The following PSG11 variants were observed in gnomAD, a reference collection of about 807,000 sequenced individuals.
The protein encoded by PSG11 is pregnancy specific beta-1-glycoprotein 11.
PSG11 carries 42 observed loss-of-function variants against 36.0 expected under a neutral mutation model. That is an observed-to-expected ratio of 1.17 (90% confidence interval 0.91 to 1.51). The LOEUF (loss-of-function observed/expected upper bound fraction) is 1.51. Among genes scored for constraint, PSG11 ranks in the 40% most tolerant of loss-of-function variants. The probability of loss-of-function intolerance (pLI) is 0.00; values close to 1 mark genes in which losing one functional copy is unlikely to be tolerated. For missense variants in PSG11, 558 were observed against 403.5 expected, an observed-to-expected ratio of 1.38 and a Z score of -3.28; for synonymous variants, 206 against 153.5, an observed-to-expected ratio of 1.34 and a Z score of -2.53.
intron 3 of PSG11, among the ~76,000 whole-genome samples, chr19:43,016,874 G>T (rs1279078136): frequency 6.6e-6 from 1 of 151,540 alleles, no homozygotes; most frequent in Admixed American, 6.6e-5. Context: ...ATGCAGAACT[G>T]ACTGGTGGAA....
At chr19:43,013,713 C>T (rs1966887611) in intron 4 of PSG11, among the ~76,000 whole-genome samples, 1 of 151,346 alleles carries the variant, frequency 6.6e-6, no homozygotes, top group Admixed American at 6.6e-5. Context: ...AATTGGTGTG[C>T]TGTTTCTCAA....
intron 2 of PSG11, among the ~76,000 whole-genome samples, chr19:43,023,583 C>T (rs923494177): frequency 6.6e-6 from 1 of 151,174 alleles, no homozygotes; most frequent in African/African-American, 2.4e-5. Context: ...GCTCTCACTC[C>T]TCTGAGGTTT....
chr19:43,016,919 A>C (rs1180431991), intron 3 of PSG11, among the ~76,000 whole-genome samples: 1 of 151,550 alleles, frequency 6.6e-6, no homozygotes, highest in East Asian at 1.9e-4. Flanking sequence ...TCTGGTCCTC[A>C]TGGACCATAT....
rs753944830 is a variant in PSG11, at chr19:43,016,050, G to T, written c.710-680C>A. ...TGTAGGGCATGGGCAGCTTTGCTGT[G>T]TGGATAACAGAGAGAAGATTGTCCT... On this transcript the variant is annotated intron_variant, in intron 3 of 5. Transcript: ENST00000320078. 5.6e-6 allele frequency: 9 copies of T among 1,605,928 alleles called. No homozygotes were observed. In the South Asian group the frequency reaches 1.0e-4, roughly 18 times the overall value.
At chr19:43,014,328 G>A in intron 4 of PSG11, 1 of 903,310 alleles carries the variant, frequency 1.1e-6, no homozygotes, top group Non-Finnish European at 1.3e-6. Context: ...CTGCCATGCA[G>A]AGCCCCAGGG....
rs1246396518 is a variant in PSG11 at position 43,019,057 on chromosome 19, A to G, written c.431-9T>C. 8 of 1,609,178 alleles carry G rather than the reference A, an allele frequency of 5.0e-6. 1 individual carries two copies. Among genetic ancestry groups the G allele is most frequent in the Non-Finnish European group, 5.9e-6 (7 of 1,177,588 alleles). Reference sequence around the variant, plus strand: ...GGGCTTGGGAGTCTCCACTGTGCAGAAAACAGAGAGAAGATTGCCCTGTGT... The same window carrying G: ...GGGCTTGGGAGTCTCCACTGTGCAGGAAACAGAGAGAAGATTGCCCTGTGT... On this transcript the variant is annotated splice_polypyrimidine_tract_variant and intron_variant, in intron 2 of 5. Coordinates refer to ENST00000320078, the MANE Select transcript of PSG11 (RefSeq NM_002785.3).
intron 4 of PSG11, among the ~76,000 whole-genome samples, chr19:43,013,605 G>C (rs1269157465): frequency 6.6e-6 from 1 of 151,314 alleles, no homozygotes; most frequent in African/African-American, 2.4e-5. Context: ...CAATAACAAT[G>C]ACAGCAACAC....
chr19:43,010,628 C>T, intron 4 of PSG11: 1 of 301,928 alleles, frequency 3.3e-6, no homozygotes, highest in Non-Finnish European at 6.3e-6. Flanking sequence ...GTACCTAAAA[C>T]TTCTTTCTCT....
chr19:43,016,110 C>G lies in PSG11; in HGVS notation c.710-740G>C, dbSNP rs1966959511. 1.3e-6 allele frequency: 2 copies of G among 1,545,736 alleles called. 1 individual carries two copies. The highest frequency in any genetic ancestry group is 2.5e-5 in the South Asian group (2 of 78,748). On this transcript the variant is annotated intron_variant, in intron 3 of 5. Transcript: ENST00000320078. ...CTTTGATTCCTCCACAGGCATCCTT[C>G]AATCAGAGTTGGCATCTCCCACCTC...
chr19:43,019,069 A>T, intron 2 of PSG11, 21 bp from the exon 3 acceptor site: 1 of 1,606,404 alleles, frequency 6.2e-7, no homozygotes, highest in Non-Finnish European at 8.5e-7. Flanking sequence ...AACAGAGAGA[A>T]GATTGCCCTG....
intron 1 of PSG11, among the ~76,000 whole-genome samples, chr19:43,026,083 A>T (rs1053914581): frequency 6.0e-5 from 9 of 149,862 alleles, no homozygotes; most frequent in Non-Finnish European, 1.2e-4. Context: ...CTAGGATTAC[A>T]GGAGCACACC....
Position 43,024,785 on chromosome 19 carries a change from G to A in PSG11, c.336C>T (p.Val112=). The change falls in exon 2 of 6, where the codon GTC becomes GTT. Residue 112 remains valine (V), a synonymous_variant. Coordinates refer to ENST00000320078, the MANE Select transcript of PSG11 (RefSeq NM_002785.3). ...YSNASLLIQN[V]TREDAGSYTL... ...TGTAGGATCCTGCGTCCTCCCGGGT[G>A]ACATTCTGGATCAGCAGGGATGCAT... 3 of 1,611,982 alleles carry A rather than the reference G, an allele frequency of 1.9e-6. No homozygotes were observed. The highest frequency in any genetic ancestry group is 2.5e-6 in the Non-Finnish European group (3 of 1,179,098).
chr19:43,019,162 G>T, intron 2 of PSG11, 114 bp from the exon 3 acceptor site: 1 of 1,526,804 alleles, frequency 6.5e-7, no homozygotes, highest in Non-Finnish European at 8.8e-7. Flanking sequence ...GTCCCTAAAA[G>T]CCCATGGCAG....
chr19:43,025,982 C>A lies in PSG11; in HGVS notation c.64+327G>T, dbSNP rs1967243815. Among the ~76,000 whole-genome samples, 3 of 132,320 alleles carry A rather than the reference C, an allele frequency of 2.3e-5. 1 individual carries two copies. The highest frequency in any genetic ancestry group is 4.7e-5 in the Non-Finnish European group (3 of 63,396). 86.8% of individuals were successfully genotyped at this position (132,320 alleles called of 152,430 possible). A position where few individuals can be genotyped will look rare whatever the true frequency, so the allele number is the denominator to read the frequency against. ...TTTGAGATGGAGTCTCGTACTGTCA[C>A]CCAGCCTGGCGTGCAGTGGCACTAT... On this transcript the variant is annotated intron_variant, in intron 1 of 5. Transcript: ENST00000320078.
chr19:43,019,991 G>C (rs8104617), intron 2 of PSG11, among the ~76,000 whole-genome samples: 99,620 of 150,232 alleles, frequency 0.66, 35,091 homozygotes, highest in East Asian at 0.99. Flanking sequence ...TCTCTCATTA[G>C]ACATTCTACC....
At chr19:43,024,229 A>G (rs1459710630) in intron 2 of PSG11, among the ~76,000 whole-genome samples, 1 of 151,374 alleles carries the variant, frequency 6.6e-6, no homozygotes, top group African/African-American at 2.4e-5. Flanking sequence ...GCCCTGCCCA[A>G]GAAGCCACAA....
intron 3 of PSG11, chr19:43,017,606 C>T (rs997323186): frequency 2.0e-5 from 3 of 151,300 alleles, no homozygotes; most frequent in Non-Finnish European, 2.9e-5. Flanking sequence ...AAGTGCCTGT[C>T]AGGTCAGATT....
At chr19:43,014,937 G>C in intron 4 of PSG11, 179 bp downstream of exon 4, 3 of 1,478,656 alleles carry the variant, frequency 2.0e-6, no homozygotes, top group Non-Finnish European at 2.7e-6. Flanking sequence ...TGAGAAAACA[G>C]AAAAAAAAGG....
At chr19:43,018,108 C>T (rs1808117973) in intron 3 of PSG11, among the ~76,000 whole-genome samples, 1 of 151,228 alleles carries the variant, frequency 6.6e-6, no homozygotes. Context: ...TCCAGGGATC[C>T]ACTTACCAGG....
Sources: allele counts gnomAD v4.1 joint callset (sites outside exome capture counted in the v4.1 genomes callset), GRCh38; gene constraint gnomAD v4.1.1; transcripts MANE v1.5; gene names NCBI Gene and HGNC (gene_info 2026-07-23, HGNC 2026-07-21).